The following WWC1 variants were observed in gnomAD, a reference collection of about 807,000 sequenced individuals.
WWC1 encodes the protein WW and C2 domain containing 1, also known as protein KIBRA.
WWC1 carries 55 observed loss-of-function variants against 138.4 expected under a neutral mutation model. The observed-to-expected ratio is 0.40, with a 90% confidence interval of 0.32 to 0.50. The LOEUF (loss-of-function observed/expected upper bound fraction) is 0.50. Among genes scored for constraint, WWC1 ranks in the 20% least tolerant of loss-of-function variants. WWC1 has a pLI of 0.72. For missense variants in WWC1, 1,226 were observed against 1,420.4 expected (o/e 0.86, Z 2.20); for synonymous variants, 524 against 564.9 (o/e 0.93, Z 1.03).
chr5:168,325,749 C>T (rs1005102140), intron 1 of WWC1, among the ~76,000 whole-genome samples: 2 of 152,174 alleles, frequency 1.3e-5, no homozygotes, highest in East Asian at 3.8e-4. Context: ...GCCACCATCA[C>T]CACCATCCAT....
chr5:168,423,476 T>G, intron 10 of WWC1, 57 bp from the exon 11 acceptor site: 2 of 1,547,482 alleles, frequency 1.3e-6, no homozygotes, highest in East Asian at 2.2e-5. Flanking sequence ...GCAGAAGGTC[T>G]CAGGGGGCCC....
intron 15 of WWC1, among the ~76,000 whole-genome samples, chr5:168,433,475 T>C (rs1782106880): frequency 1.3e-5 from 2 of 152,252 alleles, no homozygotes; most frequent in African/African-American, 4.8e-5. Flanking sequence ...CTGACAATAA[T>C]GCAGTAGTTA....
chr5:168,436,773 T>G (rs544463521), intron 15 of WWC1, among the ~76,000 whole-genome samples: 94 of 152,000 alleles, frequency 6.2e-4, no homozygotes, highest in African/African-American at 2.2e-3. Flanking sequence ...TCTCACCACT[T>G]CCCCAGACCC....
chr5:168,367,532 C>A (rs1211460217), intron 1 of WWC1, among the ~76,000 whole-genome samples: 1 of 53,274 alleles, frequency 1.9e-5, no homozygotes, highest in African/African-American at 5.9e-5. Flanking sequence ...GGGGTTTCAC[C>A]GTGGTCTCGA....
intron 15 of WWC1, among the ~76,000 whole-genome samples, chr5:168,440,817 T>A (rs935633033): frequency 7.2e-5 from 11 of 152,116 alleles, no homozygotes; most frequent in Non-Finnish European, 1.6e-4. Flanking sequence ...GCGCCCGGCC[T>A]GAAAGCAGGT....
chr5:168,408,697 C>T (rs765528063), intron 7 of WWC1, 44 bp downstream of exon 7: 1 of 1,607,948 alleles, frequency 6.2e-7, no homozygotes, highest in South Asian at 1.1e-5. Context: ...CACAGGATGG[C>T]AGCTGGGAGG....
chr5:168,351,239 G>T (rs763416152), intron 1 of WWC1, among the ~76,000 whole-genome samples: 1 of 152,132 alleles, frequency 6.6e-6, no homozygotes, highest in South Asian at 2.1e-4. Flanking sequence ...CCTGGCAGAG[G>T]TTGGAGTAGT....
intron 17 of WWC1, among the ~76,000 whole-genome samples, chr5:168,452,979 C>G (rs1026281907): frequency 3.9e-5 from 6 of 152,226 alleles, no homozygotes; most frequent in Admixed American, 2.0e-4. Flanking sequence ...AATCCCAACA[C>G]TTTGGGAGGC....
In WWC1 at chr5:168,414,175, A is replaced by G. The variant is rs1780419102; in HGVS notation, c.942-173A>G. Reference sequence around the variant, plus strand: ...GCCTACTTCATTGTTGGCACATGGTAGGCACCCACATGTGTTTGTTTAGAA... The same window carrying G: ...GCCTACTTCATTGTTGGCACATGGTGGGCACCCACATGTGTTTGTTTAGAA... On this transcript the variant is annotated intron_variant, in intron 8 of 22. Coordinates refer to ENST00000265293, the MANE Select transcript of WWC1 (RefSeq NM_015238.3). 3 of 872,936 alleles carry G rather than the reference A, an allele frequency of 3.4e-6. No individual in the cohort carries two copies. In the Admixed American group the frequency reaches 8.9e-5, roughly 26 times the overall value. The allele number at this position is 872,936 out of a possible 1,614,324, so 54.1% of individuals were successfully genotyped here. A position where few individuals can be genotyped will look rare whatever the true frequency, so the allele number is the denominator to read the frequency against.
intron 1 of WWC1, among the ~76,000 whole-genome samples, chr5:168,326,540 G>T (rs116504494): frequency 0.04 from 5,863 of 145,798 alleles, 374 homozygotes; most frequent in African/African-American, 0.14. Context: ...GTTATTTGTT[G>T]TTGTTGTTGT....
rs530110287 is a variant in WWC1 at position 168,440,180 on chromosome 5, A to G, written c.2281-1502A>G. Among the ~76,000 whole-genome samples the G allele has an allele frequency of 5.3e-5, 8 of 152,342 alleles. No individual in the cohort carries two copies. The East Asian group carries it at 1.5e-3, about 29-fold the overall frequency. On this transcript the variant is annotated intron_variant, in intron 15 of 22. Transcript: ENST00000265293. ...ACATTTCTCCAAAATTAATATACAA[A>G]TGGCCAATATGCATGTGAAAAGATG...
At position 168,339,814 on chromosome 5, in the gene WWC1, C is replaced by G. The variant is rs534742025; in HGVS notation, c.120-31610C>G. 2.6e-3 allele frequency among the ~76,000 whole-genome samples: 250 copies of G among 96,776 alleles called. 1 individual carries two copies. The highest frequency in any genetic ancestry group is 0.022 in the Middle Eastern group (4 of 180). 63.5% of individuals were successfully genotyped at this position (96,776 alleles called of 152,430 possible). A position where few individuals can be genotyped will look rare whatever the true frequency, so the allele number is the denominator to read the frequency against. On this transcript the variant is annotated intron_variant, in intron 1 of 22. Transcript: ENST00000265293. ...AGTACCATTCTTTTTGTTTTTCTTTCTTTCTTTCTTTCTTTCTTTTTCTTT... is the reference window on the plus strand; with the variant it reads ...AGTACCATTCTTTTTGTTTTTCTTTGTTTCTTTCTTTCTTTCTTTTTCTTT...
intron 1 of WWC1, among the ~76,000 whole-genome samples, chr5:168,332,677 G>A (rs1353417511): frequency 1.3e-5 from 2 of 151,762 alleles, no homozygotes; most frequent in African/African-American, 4.8e-5. Context: ...GTATTTGTGG[G>A]TTACTTCTGT....
chr5:168,365,566 C>T (rs980815327), intron 1 of WWC1, among the ~76,000 whole-genome samples: 6 of 152,174 alleles, frequency 3.9e-5, no homozygotes, highest in Admixed American at 1.3e-4. Context: ...GAATGCCCAC[C>T]GTGGTCTCAT....
At chr5:168,368,090 CTT>C (rs59582303) in intron 1 of WWC1, among the ~76,000 whole-genome samples, 7 of 129,656 alleles carry the variant, frequency 5.4e-5, no homozygotes, top group South Asian at 2.5e-4. Flanking sequence ...AACACTTCAT[CTT>C]TTTTTTTTTT....
intron 1 of WWC1, among the ~76,000 whole-genome samples, chr5:168,370,713 T>C (rs1776685339): frequency 6.6e-6 from 1 of 152,174 alleles, no homozygotes; most frequent in Non-Finnish European, 1.5e-5. Context: ...GTTAGTTTAG[T>C]TGAGTGATTT....
At position 168,292,483 on chromosome 5, in the gene WWC1, G is replaced by A. The variant is rs556253315; in HGVS notation, c.119+212G>A. On this transcript the variant is annotated intron_variant, in intron 1 of 22. Coordinates refer to ENST00000265293, the MANE Select transcript of WWC1 (RefSeq NM_015238.3). This position sits in a 1 kb window ranked among gnomAD's most constrained non-coding sequence, Gnocchi z 4.4. ...AGAGGAGGCGCCTGCCGGGGAGCTGGCCCAGGCTGCCCCACCGCCATCCCC... is the reference window on the plus strand; with the variant it reads ...AGAGGAGGCGCCTGCCGGGGAGCTGACCCAGGCTGCCCCACCGCCATCCCC... Among the ~76,000 whole-genome samples the A allele has an allele frequency of 6.6e-6, 1 of 152,124 alleles. No homozygotes were observed. The highest frequency in any genetic ancestry group is 2.4e-5 in the African/African-American group (1 of 41,526).
At chr5:168,295,562 C>T (rs1469215372) in intron 1 of WWC1, among the ~76,000 whole-genome samples, 3 of 149,796 alleles carry the variant, frequency 2.0e-5, no homozygotes, top group Non-Finnish European at 4.4e-5. Flanking sequence ...ATGGAGATGC[C>T]CACCCATTCC....
intron 15 of WWC1, among the ~76,000 whole-genome samples, chr5:168,438,418 C>T (rs534200155): frequency 4.5e-4 from 68 of 152,248 alleles, no homozygotes; most frequent in Admixed American, 1.2e-3. Context: ...TTTGCTGCCA[C>T]CATGTGAAGA....
Sources: allele counts gnomAD v4.1 joint callset (sites outside exome capture counted in the v4.1 genomes callset), GRCh38; gene constraint gnomAD v4.1.1; non-coding constraint Gnocchi (gnomAD v3.1); transcripts MANE v1.5; gene names NCBI Gene and HGNC (gene_info 2026-07-23, HGNC 2026-07-21).